The following NECTIN3 variants were observed in gnomAD, a reference collection of about 807,000 sequenced individuals.
The protein encoded by NECTIN3 is nectin-3.
Under a neutral mutation model 49.4 loss-of-function variants are expected in NECTIN3, and 8 were observed. That is an observed-to-expected ratio of 0.16 (90% CI 0.10 to 0.29). The LOEUF (loss-of-function observed/expected upper bound fraction) is 0.29. Among genes scored for constraint, NECTIN3 ranks in the 10% least tolerant of loss-of-function variants. The pLI is 1.00. For synonymous variants in NECTIN3, 277 were observed against 241.1 expected, an observed-to-expected ratio of 1.15 and a Z score of -1.38; for missense variants, 581 against 654.6, an observed-to-expected ratio of 0.89 and a Z score of 1.23.
intron 7 of NECTIN3, among the ~76,000 whole-genome samples, chr3:111,186,701 A>G (rs2035726364): frequency 1.3e-5 from 2 of 152,222 alleles, no homozygotes; most frequent in Non-Finnish European, 2.9e-5. Flanking sequence ...CAAGCCTGAA[A>G]AAACTAGTAT....
intron 3 of NECTIN3, among the ~76,000 whole-genome samples, chr3:111,121,410 G>A (rs2033947880): frequency 6.6e-6 from 1 of 152,210 alleles, no homozygotes; most frequent in East Asian, 1.9e-4. Context: ...TTAGTAGTTT[G>A]GAAGTATATA....
At chr3:111,163,064 C>A in intron 7 of NECTIN3, among the ~76,000 whole-genome samples, 1 of 152,174 alleles carries the variant, frequency 6.6e-6, no homozygotes. Flanking sequence ...CACAAAGTTA[C>A]AGTCAGATGG....
At chr3:111,185,417 C>G (rs1205367654) in intron 7 of NECTIN3, among the ~76,000 whole-genome samples, 1 of 152,092 alleles carries the variant, frequency 6.6e-6, no homozygotes, top group Admixed American at 6.6e-5. Flanking sequence ...TGTCTGAAAA[C>G]TGTTGTTTTA....
chr3:111,167,943 G>A (rs938953184), intron 7 of NECTIN3, among the ~76,000 whole-genome samples: 3 of 152,092 alleles, frequency 2.0e-5, no homozygotes, highest in Admixed American at 2.0e-4. Flanking sequence ...TAACACTTGG[G>A]ACTAGAAGTG....
chr3:111,159,046 T>C (rs776655773), intron 7 of NECTIN3, among the ~76,000 whole-genome samples: 8 of 152,188 alleles, frequency 5.3e-5, no homozygotes, highest in Non-Finnish European at 8.8e-5. Context: ...TGCACATCCA[T>C]TAGATTTGCT....
At chr3:111,193,246 T>G in intron 1 of NECTIN3, 1 of 1,535,844 alleles carries the variant, frequency 6.5e-7, no homozygotes, top group Non-Finnish European at 8.7e-7. Context: ...GAGAATCCAG[T>G]TGGGGAAGAT....
intron 7 of NECTIN3, among the ~76,000 whole-genome samples, chr3:111,165,146 C>G (rs997263712): frequency 6.6e-6 from 1 of 152,076 alleles, no homozygotes; most frequent in African/African-American, 2.4e-5. Context: ...CAGGTTCACA[C>G]CATTCTCCTG....
intron 7 of NECTIN3, among the ~76,000 whole-genome samples, chr3:111,152,163 A>G (rs372205305): frequency 3.3e-5 from 5 of 151,962 alleles, no homozygotes; most frequent in African/African-American, 1.2e-4. Context: ...ATGTCAAAAG[A>G]TTTTAATAAA....
At chr3:111,169,451 T>A (rs1576176803) in intron 7 of NECTIN3, among the ~76,000 whole-genome samples, 1 of 149,768 alleles carries the variant, frequency 6.7e-6, no homozygotes, top group East Asian at 2.0e-4. Context: ...AAATTTGACA[T>A]CAAGCATAAT....
At chr3:111,098,392 A>G (rs952580756) in intron 1 of NECTIN3, among the ~76,000 whole-genome samples, 1 of 152,198 alleles carries the variant, frequency 6.6e-6, no homozygotes, top group Non-Finnish European at 1.5e-5. Context: ...TCCTATTTCA[A>G]AATCAAGCCG....
chr3:111,077,901 A>G (rs2031330606), intron 1 of NECTIN3, among the ~76,000 whole-genome samples: 3 of 152,198 alleles, frequency 2.0e-5, no homozygotes, highest in Admixed American at 2.0e-4. Context: ...AAGCCATGTA[A>G]TTTCAAGTTT....
At chr3:111,084,536 T>G (rs1576074812) in intron 1 of NECTIN3, among the ~76,000 whole-genome samples, 1 of 152,076 alleles carries the variant, frequency 6.6e-6, no homozygotes, top group South Asian at 2.1e-4. Flanking sequence ...TGGAAAGAAG[T>G]AGAATAGAGT....
chr3:111,072,792 T>TG (rs2107342226), intron 1 of NECTIN3: 1 of 500,012 alleles, frequency 2.0e-6, no homozygotes, highest in African/African-American at 2.0e-5. Flanking sequence ...TTGTGGGACG[T>TG]CTCTCACACT....
intron 7 of NECTIN3, among the ~76,000 whole-genome samples, chr3:111,150,280 C>T (rs945542782): frequency 7.3e-5 from 11 of 151,608 alleles, no homozygotes; most frequent in African/African-American, 2.7e-4. Flanking sequence ...AAAAGCTTTT[C>T]AATCGCTTGA....
At chr3:111,150,252 C>T (rs1381679903) in intron 7 of NECTIN3, among the ~76,000 whole-genome samples, 3 of 151,908 alleles carry the variant, frequency 2.0e-5, no homozygotes, top group Admixed American at 6.6e-5. Context: ...TTTTACAGTG[C>T]TGACATATCA....
At chr3:111,105,105 TTTTTCTTTTTTG>T (rs778215552) in intron 1 of NECTIN3, among the ~76,000 whole-genome samples, 3 of 151,812 alleles carry the variant, frequency 2.0e-5, no homozygotes, top group Non-Finnish European at 4.4e-5. Flanking sequence ...ATTTCATCTT[TTTTTCTTTTTTG>T]TTTTCTTTTC....
downstream of NECTIN3, among the ~76,000 whole-genome samples, chr3:111,141,008 C>T (rs779622330): frequency 2.0e-5 from 3 of 151,828 alleles, no homozygotes; most frequent in Non-Finnish European, 4.4e-5. Context: ...GCTATTACCA[C>T]GTAAAATTCA....
At chr3:111,108,741 G>A (rs115823814) in intron 1 of NECTIN3, among the ~76,000 whole-genome samples, 2,039 of 152,132 alleles carry the variant, frequency 0.013, 51 homozygotes, top group African/African-American at 0.047. Context: ...AAAGAAAGCG[G>A]GGAAGTGCGA....
chr3:111,107,879 A>G (rs144881712), intron 1 of NECTIN3, among the ~76,000 whole-genome samples: 1,633 of 152,342 alleles, frequency 0.011, 8 homozygotes, highest in Non-Finnish European at 0.017. Context: ...ATGGAAATGT[A>G]TTAGATTCTT....
Sources: allele counts gnomAD v4.1 joint callset (sites outside exome capture counted in the v4.1 genomes callset), GRCh38; gene constraint gnomAD v4.1.1; transcripts MANE v1.5; gene names NCBI Gene and HGNC (gene_info 2026-07-23, HGNC 2026-07-21).